The following CHRDL1 variants were observed in gnomAD, a reference collection of about 807,000 sequenced individuals.
CHRDL1 encodes chordin-like protein 1.
A neutral mutation model predicts 40.9 loss-of-function variants in CHRDL1; 19 were observed. That is an observed-to-expected ratio of 0.46 (90% CI 0.32 to 0.68). CHRDL1 has a LOEUF of 0.68. CHRDL1 is among the 30% of genes least tolerant of loss of function. CHRDL1 has a pLI of 0.03. For synonymous variants in CHRDL1, 136 were observed against 123.4 expected (o/e 1.10, Z -0.68); for missense variants, 329 against 352.1 (o/e 0.93, Z 0.53).
intron 4 of CHRDL1, among the ~76,000 whole-genome samples, chrX:110,731,644 G>T (rs904231594): frequency 1.8e-5 from 2 of 111,638 alleles, no homozygotes; most frequent in East Asian, 5.6e-4. Context: ...TCCATAAAAT[G>T]TAATATTATT....
chrX:110,684,800 C>G (rs1477550002), intron 9 of CHRDL1, among the ~76,000 whole-genome samples: 1 of 112,290 alleles, frequency 8.9e-6, no homozygotes, highest in African/African-American at 3.2e-5. Context: ...GAGCAGGTGC[C>G]CTTGGCTATG....
chrX:110,702,842 A>T (rs1455369912), intron 6 of CHRDL1, among the ~76,000 whole-genome samples: 2 of 111,997 alleles, frequency 1.8e-5, no homozygotes, highest in East Asian at 5.6e-4. Flanking sequence ...CCCCCATGAC[A>T]GCAGGGATTT....
intron 7 of CHRDL1, 131 bp from the exon 8 acceptor site, chrX:110,694,462 T>A: frequency 2.3e-6 from 1 of 435,895 alleles, no homozygotes; most frequent in Non-Finnish European, 3.7e-6. Context: ...CATGCTTACC[T>A]ACACCAATAG....
chrX:110,720,051 G>A (rs1005684084), intron 5 of CHRDL1, 123 bp from the exon 6 acceptor site: 6 of 411,849 alleles, frequency 1.5e-5, no homozygotes, highest in South Asian at 4.8e-5. Flanking sequence ...CTCTCCCATC[G>A]TCAGTTCTCG....
chrX:110,759,875 G>T (rs1488832307), intron 3 of CHRDL1, 121 bp from the exon 4 acceptor site: 11 of 506,936 alleles, frequency 2.2e-5, no homozygotes, highest in Non-Finnish European at 3.9e-5. Context: ...TTCCCAAGAA[G>T]CTGAATGCAT....
chrX:110,780,789 C>T (rs940417998), intron 2 of CHRDL1, among the ~76,000 whole-genome samples: 3 of 111,026 alleles, frequency 2.7e-5, no homozygotes, highest in Non-Finnish European at 5.7e-5. Context: ...AAAATGGAAC[C>T]AATATTTCTT....
intron 2 of CHRDL1, among the ~76,000 whole-genome samples, chrX:110,791,304 A>AC (rs754662635): frequency 9.0e-6 from 1 of 111,597 alleles, no homozygotes; most frequent in East Asian, 2.8e-4. Flanking sequence ...GCAAGCATCT[A>AC]CCTCAGAGAT....
chrX:110,716,502 G>A (rs2070844722), intron 6 of CHRDL1, among the ~76,000 whole-genome samples: 1 of 111,286 alleles, frequency 9.0e-6, no homozygotes, highest in South Asian at 3.8e-4. Context: ...GGTGATAAAT[G>A]CTCCAGAAGA....
chrX:110,782,402 C>CTATA, intron 2 of CHRDL1, among the ~76,000 whole-genome samples: 1 of 112,236 alleles, frequency 8.9e-6, no homozygotes, highest in Middle Eastern at 4.6e-3. Context: ...GAACCAAAGA[C>CTATA]TATAACCTTT....
At chrX:110,706,176 C>T (rs919425187) in intron 6 of CHRDL1, among the ~76,000 whole-genome samples, 27 of 111,169 alleles carry the variant, frequency 2.4e-4, no homozygotes, top group African/African-American at 8.8e-4. Context: ...TTTCTTTGCT[C>T]TTTTTGTCTG....
At chrX:110,705,466 A>C (rs1391930422) in intron 6 of CHRDL1, among the ~76,000 whole-genome samples, 1 of 97,220 alleles carries the variant, frequency 1.0e-5, no homozygotes, top group African/African-American at 5.0e-5. Flanking sequence ...ACATATATAT[A>C]TCATCTATAT....
At chrX:110,778,856 C>G (rs2089894101) in intron 2 of CHRDL1, among the ~76,000 whole-genome samples, 1 of 111,725 alleles carries the variant, frequency 9.0e-6, no homozygotes, top group Non-Finnish European at 1.9e-5. Flanking sequence ...TCTAAATGTC[C>G]ATCAACAGTA....
chrX:110,762,517 T>A (rs1022497468), intron 3 of CHRDL1, among the ~76,000 whole-genome samples, 178 bp downstream of exon 3: 58 of 111,934 alleles, frequency 5.2e-4, no homozygotes, highest in African/African-American at 1.8e-3. Context: ...GCTGAAGTGA[T>A]CCACATGCCT....
intron 6 of CHRDL1, among the ~76,000 whole-genome samples, chrX:110,708,927 C>G (rs2070696982): frequency 9.0e-6 from 1 of 111,563 alleles, no homozygotes; most frequent in Non-Finnish European, 1.9e-5. Flanking sequence ...GTCTGTTCCT[C>G]CCGGTAGCCT....
At chrX:110,720,129 C>A (rs1282741508) in intron 5 of CHRDL1, among the ~76,000 whole-genome samples, 1 of 110,768 alleles carries the variant, frequency 9.0e-6, no homozygotes, top group Non-Finnish European at 1.9e-5. Flanking sequence ...GAGACTAAGC[C>A]ACAGAAAAGT....
At position 110,674,457 on chromosome X, in the gene CHRDL1, C is replaced by CCACACACACACACACACACACA. The variant is rs72056903; in HGVS notation, c.*1752_*1773dup. On this transcript the variant is annotated 3_prime_UTR_variant, in exon 12 of 12. Coordinates refer to ENST00000372042, the MANE Select transcript of CHRDL1 (RefSeq NM_001143981.2). ...GCCGCATAACACCTTCCCCCCTTTA[C>CCACACACACACACACACACACA]CACACACACACACACACACACACAC... 2.5e-5 allele frequency: 2 copies of CCACACACACACACACACACACA among 78,930 alleles called. No homozygotes were observed. Among genetic ancestry groups the CCACACACACACACACACACACA allele is most frequent in the African/African-American group, 1.0e-4 (2 of 19,228 alleles). 6.5% of individuals were successfully genotyped at this position (78,930 alleles called of 1,213,427 possible).
At chrX:110,689,949 C>A (rs1172317564) in intron 8 of CHRDL1, among the ~76,000 whole-genome samples, 46 of 15,889 alleles carry the variant, frequency 2.9e-3, no homozygotes, top group African/African-American at 0.015. Context: ...ATCTATATAT[C>A]TATATATATC....
chrX:110,792,305 T>G, intron 1 of CHRDL1, 90 bp from the exon 2 acceptor site: 1 of 375,244 alleles, frequency 2.7e-6, no homozygotes, highest in Non-Finnish European at 4.7e-6. Context: ...CCTGCTAGAA[T>G]AAAAAAAAAA....
rs1244398439 is a variant in CHRDL1 at position 110,721,469 on chromosome X, T to C, written c.363A>G (p.Thr121=). The change falls in exon 5 of 12, where the codon ACA becomes ACG. Residue 121 remains threonine, a synonymous_variant. Transcript: ENST00000372042. ...CGAACAGCTCTCCATGTTGGTAAGT[T>C]GTCCCATTGTACTCGCAAGACTTGC... ...VTSKSCEYNG[T]TYQHGELFVA... 1.7e-6 allele frequency: 2 copies of C among 1,205,710 alleles called. No homozygotes were observed. Among genetic ancestry groups the C allele is most frequent in the African/African-American group, 1.8e-5 (1 of 57,108 alleles).
Sources: allele counts gnomAD v4.1 joint callset (sites outside exome capture counted in the v4.1 genomes callset), GRCh38; gene constraint gnomAD v4.1.1; transcripts MANE v1.5; gene names NCBI Gene and HGNC (gene_info 2026-07-23, HGNC 2026-07-21).